Variants in ZNG1F observed in about 807,000 individuals in gnomAD.
The protein encoded by ZNG1F is Zn regulated GTPase metalloprotein activator 1F.
At chr9:41,138,859 A>C in the ZNG1F span, among the ~76,000 whole-genome samples, 1 of 133,130 alleles carries the variant, frequency 7.5e-6, no homozygotes, top group Non-Finnish European at 1.6e-5. Context: ...AGTTCATTGA[A>C]TATTTCTCCC....
At chr9:41,145,614 A>C in the ZNG1F span, 1 of 161,126 alleles carries the variant, frequency 6.2e-6, no homozygotes, top group Middle Eastern at 2.5e-3. Context: ...ATGGTTAAAT[A>C]TGTCAGTAAA....
the ZNG1F span, among the ~76,000 whole-genome samples, chr9:41,200,822 T>C: frequency 2.0e-5 from 3 of 152,258 alleles, no homozygotes; most frequent in East Asian, 3.9e-4. Context: ...CTCACCTTTT[T>C]AAAACCATCA....
chr9:41,172,833 AAACT>A, the ZNG1F span: 1 of 56,332 alleles, frequency 1.8e-5, no homozygotes. Flanking sequence ...ATGAAAATTA[AAACT>A]AACCTATTTC....
At chr9:41,155,228 T>C in the ZNG1F span, among the ~76,000 whole-genome samples, 1 of 150,934 alleles carries the variant, frequency 6.6e-6, no homozygotes, top group Admixed American at 6.7e-5. Context: ...AGAAGACATT[T>C]ATGCCACCAA....
chr9:41,132,237 C>A, the ZNG1F span: 5 of 1,603,002 alleles, frequency 3.1e-6, no homozygotes, highest in Non-Finnish European at 4.3e-6. Flanking sequence ...CCAATGAGGA[C>A]CAATCGATTT....
the ZNG1F span, among the ~76,000 whole-genome samples, chr9:41,200,789 A>T: frequency 1.3e-5 from 2 of 152,338 alleles, no homozygotes; most frequent in African/African-American, 4.8e-5. Context: ...ACCAGACAGG[A>T]GAAGAGAGAT....
At chr9:41,204,842 A>T in the ZNG1F span, among the ~76,000 whole-genome samples, 265 of 115,282 alleles carry the variant, frequency 2.3e-3, no homozygotes, top group Non-Finnish European at 3.5e-3. Flanking sequence ...TTCTTTTTTC[A>T]TTCCTACTCA....
the ZNG1F span, among the ~76,000 whole-genome samples, chr9:41,180,328 C>T: frequency 1.3e-4 from 14 of 111,304 alleles, no homozygotes; most frequent in East Asian, 5.4e-4. Flanking sequence ...CCGGCCAAAA[C>T]GCATAACTTT....
the ZNG1F span, among the ~76,000 whole-genome samples, chr9:41,175,147 G>T: frequency 1.1e-4 from 17 of 148,668 alleles, 1 homozygote; most frequent in African/African-American, 4.0e-4. Context: ...TCATTCCAAA[G>T]TCTAAAGCTG....
chr9:41,193,070 T>A, the ZNG1F span, among the ~76,000 whole-genome samples: 18 of 141,320 alleles, frequency 1.3e-4, no homozygotes, highest in African/African-American at 4.6e-4. Flanking sequence ...ACTATTTGTG[T>A]GCCCATTTTA....
chr9:41,132,632 G>A, the ZNG1F span: 63,197 of 694,502 alleles, frequency 0.091, 2,147 homozygotes, highest in East Asian at 0.17. Context: ...TGGTTTTTCA[G>A]TGTTATTTAT....
chr9:41,158,000 CCCA>C, the ZNG1F span: 25 of 111,636 alleles, frequency 2.2e-4, no homozygotes, highest in African/African-American at 6.4e-4. Context: ...TTTTTCACCC[CCCA>C]CCCCTCCCCC....
At chr9:41,198,365 G>A in the ZNG1F span, among the ~76,000 whole-genome samples, 2 of 150,356 alleles carry the variant, frequency 1.3e-5, no homozygotes, top group African/African-American at 4.9e-5. Flanking sequence ...TCATGCCATT[G>A]CATTCCAGCC....
the ZNG1F span, among the ~76,000 whole-genome samples, chr9:41,149,676 C>T: frequency 6.7e-6 from 1 of 149,900 alleles, no homozygotes; most frequent in Non-Finnish European, 1.5e-5. Context: ...GCTATGAAGA[C>T]AGGGAAATGG....
the ZNG1F span, among the ~76,000 whole-genome samples, chr9:41,166,393 G>A: frequency 2.5e-5 from 3 of 120,408 alleles, no homozygotes; most frequent in African/African-American, 9.8e-5. Flanking sequence ...TTCAGCCTGG[G>A]TGACAGAGTG....
chr9:41,175,219 G>A, the ZNG1F span, among the ~76,000 whole-genome samples: 12 of 147,428 alleles, frequency 8.1e-5, 2 homozygotes, highest in Admixed American at 2.1e-4. Context: ...ATGAAATAAC[G>A]GTCAGCTGTT....
chr9:41,136,448 G>A, the ZNG1F span, among the ~76,000 whole-genome samples: 2 of 28,460 alleles, frequency 7.0e-5, 1 homozygote, highest in African/African-American at 1.4e-4. Context: ...CTATGTTCAA[G>A]GATATTGGTC....
the ZNG1F span, among the ~76,000 whole-genome samples, chr9:41,185,574 G>A: frequency 6.6e-6 from 1 of 150,806 alleles, no homozygotes; most frequent in African/African-American, 2.4e-5. Flanking sequence ...TCGGGAGGCT[G>A]AGGCAGGAGA....
the ZNG1F span, among the ~76,000 whole-genome samples, chr9:41,201,997 A>G: frequency 8.3e-6 from 1 of 120,310 alleles, no homozygotes; most frequent in Non-Finnish European, 1.8e-5. Context: ...ACATTCTTTA[A>G]AGTTAAGGGT....
Sources: gnomAD v4.1 joint callset for allele counts (sites outside exome capture counted in the v4.1 genomes callset) on GRCh38, gnomAD v4.1.1 for gene constraint, MANE v1.5 for transcripts, NCBI Gene and HGNC (gene_info 2026-07-23, HGNC 2026-07-21) for gene names.